The following IL1RAPL2 variants were observed in gnomAD, a reference collection of about 807,000 sequenced individuals.
The protein encoded by IL1RAPL2 is X-linked interleukin-1 receptor accessory protein-like 2.
IL1RAPL2 carries 3 observed loss-of-function variants against 44.1 expected under a neutral mutation model. The observed-to-expected ratio is 0.07, with a 90% confidence interval of 0.03 to 0.18. The LOEUF (loss-of-function observed/expected upper bound fraction) is 0.18, where lower values mean the gene tolerates loss of function less well. Among genes scored for constraint, IL1RAPL2 ranks in the 10% least tolerant of loss-of-function variants. The pLI is 1.00. For missense variants in IL1RAPL2, 391 were observed against 496.4 expected (o/e 0.79, Z 2.02); for synonymous variants, 181 against 178.8 (o/e 1.01, Z -0.10).
rs1248710753 is a variant in IL1RAPL2, at chrX:104,585,370, TTATATATAA to T, written c.-20+18327_-20+18335del. Among the ~76,000 whole-genome samples the T allele has an allele frequency of 4.2e-3, 93 of 21,896 alleles. 3 individuals are homozygous for T. The highest frequency in any genetic ancestry group is 0.024 in the African/African-American group (84 of 3,437). The allele number at this position is 21,896 out of a possible 115,157, so 19.0% of individuals were successfully genotyped here. On this transcript the variant is annotated intron_variant, in intron 1 of 10. Transcript: ENST00000372582. ...ATATATATTATATATATTATATATA[TTATATATAA>T]TATATATTATATATAATATATAATA...
intron 2 of IL1RAPL2, among the ~76,000 whole-genome samples, chrX:104,911,679 C>T (rs1182785428): frequency 9.0e-6 from 1 of 111,498 alleles, no homozygotes; most frequent in African/African-American, 3.3e-5. Flanking sequence ...TAAATATTTT[C>T]CATGATGTAT....
chrX:105,149,742 G>C (rs1231899660), intron 2 of IL1RAPL2, among the ~76,000 whole-genome samples: 1 of 110,273 alleles, frequency 9.1e-6, no homozygotes, highest in East Asian at 2.9e-4. Context: ...CTGAGGCAGG[G>C]AGAATTGCTT....
chrX:105,326,736 G>A (rs1028675247), intron 5 of IL1RAPL2, among the ~76,000 whole-genome samples: 4 of 110,866 alleles, frequency 3.6e-5, no homozygotes, highest in Non-Finnish European at 5.7e-5. Flanking sequence ...TGATCTATAC[G>A]TCTATCCTTA....
At chrX:105,506,933 T>C (rs181256410) in intron 6 of IL1RAPL2, among the ~76,000 whole-genome samples, 2 of 112,110 alleles carry the variant, frequency 1.8e-5, no homozygotes, top group Admixed American at 1.9e-4. Context: ...TTTTTCAGAC[T>C]ACATTTCTGC....
chrX:104,657,135 G>T (rs981582636), intron 1 of IL1RAPL2, among the ~76,000 whole-genome samples: 1 of 111,186 alleles, frequency 9.0e-6, no homozygotes, highest in Non-Finnish European at 1.9e-5. Flanking sequence ...TATCCAATTT[G>T]CCAGTTGGTG....
intron 5 of IL1RAPL2, among the ~76,000 whole-genome samples, chrX:105,368,963 A>G (rs1358142274): frequency 9.5e-6 from 1 of 104,969 alleles, no homozygotes; most frequent in African/African-American, 3.5e-5. Flanking sequence ...CTGATGTTGA[A>G]CCTCTTGTTG....
At chrX:104,708,866 C>T (rs1032221278) in intron 2 of IL1RAPL2, among the ~76,000 whole-genome samples, 3 of 110,731 alleles carry the variant, frequency 2.7e-5, no homozygotes, top group Non-Finnish European at 5.7e-5. Context: ...CTAGAACACT[C>T]CTGGGCTGCT....
At chrX:104,677,827 G>A (rs900889990) in intron 2 of IL1RAPL2, among the ~76,000 whole-genome samples, 1 of 112,146 alleles carries the variant, frequency 8.9e-6, no homozygotes, top group Non-Finnish European at 1.9e-5. Flanking sequence ...CGTCGGAAAA[G>A]CGCGGTATTC....
rs1384499698 is a variant in IL1RAPL2, at chrX:104,598,204, CT to C, written c.-20+31160del. Among the ~76,000 whole-genome samples, 3 of 111,916 alleles carry C rather than the reference CT, an allele frequency of 2.7e-5. No homozygotes were observed. The Admixed American group carries it at 2.8e-4, about 11-fold the overall frequency. ...TGCCTTCTTATGTCTGGAGTTTAGACTTTTTTTGTGTGTGTTTTGTATTACA... is the reference window on the plus strand; with the variant it reads ...TGCCTTCTTATGTCTGGAGTTTAGACTTTTTTGTGTGTGTTTTGTATTACA... On this transcript the variant is annotated intron_variant, in intron 1 of 10. Transcript: ENST00000372582.
intron 2 of IL1RAPL2, among the ~76,000 whole-genome samples, chrX:104,910,226 C>T (rs1006847535): frequency 1.8e-5 from 2 of 111,755 alleles, no homozygotes; most frequent in African/African-American, 3.3e-5. Flanking sequence ...TCACGGTGCG[C>T]GCACCCACTG....
At chrX:105,369,634 TAG>T (rs1469333684) in intron 5 of IL1RAPL2, among the ~76,000 whole-genome samples, 2 of 111,741 alleles carry the variant, frequency 1.8e-5, no homozygotes, top group East Asian at 5.7e-4. Context: ...CCTGGGGAGA[TAG>T]CTGCTGAATG....
At chrX:104,999,131 C>A (rs2030804671) in intron 2 of IL1RAPL2, among the ~76,000 whole-genome samples, 2 of 111,660 alleles carry the variant, frequency 1.8e-5, no homozygotes, top group African/African-American at 6.5e-5. Context: ...CAGAATGATC[C>A]CATAGGAGGA....
intron 2 of IL1RAPL2, among the ~76,000 whole-genome samples, chrX:104,824,592 A>G (rs1396339591): frequency 9.0e-6 from 1 of 111,545 alleles, no homozygotes; most frequent in Non-Finnish European, 1.9e-5. Context: ...CAGGGTTTTG[A>G]CTTCTTCCTG....
intron 2 of IL1RAPL2, among the ~76,000 whole-genome samples, chrX:105,141,648 A>G (rs142058815): frequency 0.027 from 2,992 of 112,045 alleles, 46 homozygotes; most frequent in Non-Finnish European, 0.042. Context: ...GGTTGGCTAC[A>G]AGCGTAACAG....
intron 2 of IL1RAPL2, among the ~76,000 whole-genome samples, chrX:105,098,674 G>A (rs774452452): frequency 9.0e-6 from 1 of 111,711 alleles, no homozygotes; most frequent in South Asian, 3.8e-4. Context: ...AAATCAATAC[G>A]CAATCTGTGT....
At chrX:105,075,852 G>C (rs1317213493) in intron 2 of IL1RAPL2, among the ~76,000 whole-genome samples, 1 of 111,879 alleles carries the variant, frequency 8.9e-6, no homozygotes, top group Non-Finnish European at 1.9e-5. Context: ...GGTATTCTCT[G>C]ATGGTAGTTT....
chrX:105,276,356 C>T (rs372438960), intron 5 of IL1RAPL2, among the ~76,000 whole-genome samples: 1 of 112,516 alleles, frequency 8.9e-6, no homozygotes, highest in East Asian at 2.8e-4. Context: ...TGTGGTGAGC[C>T]GAGATTGTGC....
rs190131724 is a variant in IL1RAPL2, at chrX:104,899,095, A to C, written c.82+240100A>C. Among the ~76,000 whole-genome samples the C allele has an allele frequency of 1.8e-3, 201 of 112,035 alleles. 1 individual carries two copies. Among genetic ancestry groups the C allele is most frequent in the African/African-American group, 6.1e-3 (190 of 30,928 alleles). ...TGGTTACAGCTGACTATACAGCACT[A>C]CCTGAGCCATACATTTTACATTTGC... On this transcript the variant is annotated intron_variant, in intron 2 of 10. Transcript: ENST00000372582.
intron 2 of IL1RAPL2, among the ~76,000 whole-genome samples, chrX:104,672,549 A>G (rs1488296975): frequency 3.9e-5 from 4 of 103,608 alleles, no homozygotes; most frequent in Non-Finnish European, 7.9e-5. Flanking sequence ...TAATGCCGCA[A>G]TAAACATACG....
Sources: gnomAD v4.1 joint callset for allele counts (sites outside exome capture counted in the v4.1 genomes callset) on GRCh38, gnomAD v4.1.1 for gene constraint, MANE v1.5 for transcripts, NCBI Gene and HGNC (gene_info 2026-07-23, HGNC 2026-07-21) for gene names.